Variants in BDH1 observed in about 807,000 individuals in gnomAD.
The protein encoded by BDH1 is D-beta-hydroxybutyrate dehydrogenase, mitochondrial.
BDH1 carries 30 observed loss-of-function variants against 33.1 expected under a neutral mutation model. That is an observed-to-expected ratio of 0.91 (90% CI 0.68 to 1.23). The LOEUF (loss-of-function observed/expected upper bound fraction) is 1.23, where lower values mean the gene tolerates loss of function less well. Among genes scored for constraint, BDH1 ranks in the 50% most tolerant of loss-of-function variants. The pLI is 0.00. For missense variants in BDH1, 443 were observed against 464.4 expected, an observed-to-expected ratio of 0.95 and a Z score of 0.42; for synonymous variants, 190 against 183.6, an observed-to-expected ratio of 1.03 and a Z score of -0.28.
At position 197,525,494 on chromosome 3, in the gene BDH1, A is replaced by T. The variant is rs1487423065; in HGVS notation, c.268-2713T>A. Among the ~76,000 whole-genome samples the T allele has an allele frequency of 6.6e-6, 1 of 152,192 alleles. No homozygotes were observed. The highest frequency in any genetic ancestry group is 1.5e-5 in the Non-Finnish European group (1 of 68,036). ...CCCGACTCCAAGTCAGTAAACTCTTAATTTGGCAGTTTGACAGTGAAGAGT... is the reference window on the plus strand; with the variant it reads ...CCCGACTCCAAGTCAGTAAACTCTTTATTTGGCAGTTTGACAGTGAAGAGT... On this transcript the variant is annotated intron_variant, in intron 5 of 7. Transcript: ENST00000392379. This position sits in a 1 kb window ranked among gnomAD's most constrained non-coding sequence, Gnocchi z 4.9.
In BDH1 at chr3:197,525,979, C is replaced by T. The variant is rs1446733966; in HGVS notation, c.268-3198G>A. 3.3e-5 allele frequency among the ~76,000 whole-genome samples: 5 copies of T among 152,200 alleles called. No homozygotes were observed. Among genetic ancestry groups the T allele is most frequent in the Non-Finnish European group, 4.4e-5 (3 of 68,040 alleles). ...CTGCTCAGGGACAAGCTTTTAGTTC[C>T]GCTGTGTTGGTGCGTGTGCAACTGG... On this transcript the variant is annotated intron_variant, in intron 5 of 7. Coordinates refer to ENST00000392379, the MANE Select transcript of BDH1 (RefSeq NM_203314.3). The surrounding 1 kb of genome is among the most constrained non-coding windows in gnomAD (Gnocchi z 4.9).
chr3:197,532,022 A>G (rs2108741399), intron 5 of BDH1, among the ~76,000 whole-genome samples: 1 of 152,038 alleles, frequency 6.6e-6, no homozygotes, highest in South Asian at 2.1e-4. Context: ...TTCCTCCTAC[A>G]CAGTCTCGCC....
chr3:197,532,370 A>G (rs1184131846), intron 5 of BDH1, 42 bp downstream of exon 5: 5 of 1,538,452 alleles, frequency 3.3e-6, no homozygotes, highest in Admixed American at 1.7e-5. Context: ...AACAATGACT[A>G]TGTGTAAAAG....
chr3:197,546,973 T>C (rs1009493260), intron 2 of BDH1, among the ~76,000 whole-genome samples: 6 of 152,306 alleles, frequency 3.9e-5, no homozygotes, highest in African/African-American at 1.4e-4. Flanking sequence ...CCACATAGCA[T>C]CTGACTCAGC....
At chr3:197,545,958 G>C (rs1716042937) in intron 3 of BDH1, among the ~76,000 whole-genome samples, 1 of 152,168 alleles carries the variant, frequency 6.6e-6, no homozygotes, top group Non-Finnish European at 1.5e-5. Context: ...CCAACCTGGT[G>C]AAACCCCGTC....
At position 197,514,889 on chromosome 3, in the gene BDH1, A is replaced by C. The variant is rs114094527; in HGVS notation, c.410-473T>G. Among the ~76,000 whole-genome samples the C allele has an allele frequency of 0.016, 2,492 of 152,310 alleles. 75 individuals carry two copies. Among genetic ancestry groups the C allele is most frequent in the African/African-American group, 0.054 (2,263 of 41,572 alleles). ...ACAGGGGAGGTGGGCACGAGGAGGC[A>C]GCTGTGTTTTGCAGGGACCTCTCTG... On this transcript the variant is annotated intron_variant, in intron 6 of 7. Coordinates refer to ENST00000392379, the MANE Select transcript of BDH1 (RefSeq NM_203314.3). The surrounding 1 kb of genome is among the most constrained non-coding windows in gnomAD (Gnocchi z 4.2).
At chr3:197,538,564 C>T in intron 3 of BDH1, 1 of 344,538 alleles carries the variant, frequency 2.9e-6, no homozygotes, top group Admixed American at 3.8e-5. Flanking sequence ...GTTGGCCACA[C>T]TGGTCTCGAA....
intron 1 of BDH1, among the ~76,000 whole-genome samples, chr3:197,565,018 G>T (rs905045970): frequency 6.6e-6 from 1 of 152,174 alleles, no homozygotes; most frequent in African/African-American, 2.4e-5. Context: ...CACCTCCAAG[G>T]TTCAAGCGAT....
At chr3:197,534,167 A>G (rs1490614604) in intron 3 of BDH1, 2 of 152,248 alleles carry the variant, frequency 1.3e-5, no homozygotes, top group South Asian at 2.1e-4. Flanking sequence ...ACACGGATAC[A>G]ATAAAAATAC....
Position 197,514,025 on chromosome 3 carries a change from C to T in BDH1, c.562+239G>A. 2.0e-6 allele frequency: 1 copy of T among 511,948 alleles called. No individual in the cohort carries two copies. Among genetic ancestry groups the T allele is most frequent in the Non-Finnish European group, 3.4e-6 (1 of 292,618 alleles). 31.7% of individuals were successfully genotyped at this position (511,948 alleles called of 1,614,324 possible). A position where few individuals can be genotyped will look rare whatever the true frequency, so the allele number is the denominator to read the frequency against. On this transcript the variant is annotated intron_variant, in intron 7 of 7. Coordinates refer to ENST00000392379, the MANE Select transcript of BDH1 (RefSeq NM_203314.3). The surrounding 1 kb of genome is among the most constrained non-coding windows in gnomAD (Gnocchi z 4.2). Reference sequence around the variant, plus strand: ...GTGCAGAGTGGATGGCTGCTCAACTCTTTAAGCTTTTGCTGCATGGACCAC... The same window carrying T: ...GTGCAGAGTGGATGGCTGCTCAACTTTTTAAGCTTTTGCTGCATGGACCAC...
At position 197,514,541 on chromosome 3, in the gene BDH1, C is replaced by G; in HGVS notation, c.410-125G>C. ...ACTTCCCAGCCTCTCGCCCAGTGCT[C>G]TCAAGAAACTTTCTAGAGTCACTCA... On this transcript the variant is annotated intron_variant, in intron 6 of 7. Transcript: ENST00000392379. The surrounding 1 kb of genome is among the most constrained non-coding windows in gnomAD (Gnocchi z 4.2). The G allele has an allele frequency of 1.7e-6, 2 of 1,147,006 alleles. No homozygotes were observed. The highest frequency in any genetic ancestry group is 2.4e-6 in the Non-Finnish European group (2 of 821,988). The allele number at this position is 1,147,006 out of a possible 1,614,324, so 71.1% of individuals were successfully genotyped here.
chr3:197,526,756 GCT>G lies in BDH1; in HGVS notation c.268-3977_268-3976del, dbSNP rs1714138390. Among the ~76,000 whole-genome samples the G allele has an allele frequency of 6.6e-6, 1 of 152,160 alleles. No individual in the cohort carries two copies. The highest frequency in any genetic ancestry group is 1.5e-5 in the Non-Finnish European group (1 of 68,020). On this transcript the variant is annotated intron_variant, in intron 5 of 7. Transcript: ENST00000392379. The surrounding 1 kb of genome is among the most constrained non-coding windows in gnomAD (Gnocchi z 4.7). ...TCTCCCGACCAGCTCTCCGTGCTCC[GCT>G]CCCAGACGAGCCACTCCTGTCTCAA...
At chr3:197,557,472 C>T (rs770269498), upstream of BDH1, among the ~76,000 whole-genome samples, 12 of 152,196 alleles carry the variant, frequency 7.9e-5, no homozygotes, top group African/African-American at 2.9e-4. The surrounding 1 kb of genome is among the most constrained non-coding windows in gnomAD (Gnocchi z 4.6). Flanking sequence ...AGACCGGGTG[C>T]GGTGGCTCAC....
intron 1 of BDH1, among the ~76,000 whole-genome samples, chr3:197,572,256 A>G (rs1262987204): frequency 6.6e-6 from 1 of 152,194 alleles, no homozygotes. Context: ...AGCAGGACAC[A>G]AGATAAGGGT....
At chr3:197,542,502 A>G (rs1330211227) in intron 3 of BDH1, among the ~76,000 whole-genome samples, 1 of 139,940 alleles carries the variant, frequency 7.1e-6, no homozygotes, top group Admixed American at 7.2e-5. Flanking sequence ...GATGGTCAAC[A>G]CGCTTTCTTT....
In BDH1 at chr3:197,514,531, G is replaced by T; in HGVS notation, c.410-115C>A. 8.0e-7 allele frequency: 1 copy of T among 1,242,706 alleles called. No individual in the cohort carries two copies. Among genetic ancestry groups the T allele is most frequent in the East Asian group, 2.5e-5 (1 of 39,528 alleles). 77.0% of individuals were successfully genotyped at this position (1,242,706 alleles called of 1,614,324 possible). ...CTTTCCTGTGACTTCCCAGCCTCTC[G>T]CCCAGTGCTCTCAAGAAACTTTCTA... is the stretch of plus-strand genomic sequence containing the variant. On this transcript the variant is annotated intron_variant, in intron 6 of 7. Transcript: ENST00000392379. The surrounding 1 kb of genome is among the most constrained non-coding windows in gnomAD (Gnocchi z 4.2).
intron 1 of BDH1, among the ~76,000 whole-genome samples, chr3:197,563,845 T>C (rs1580016311): frequency 6.6e-6 from 1 of 152,160 alleles, no homozygotes; most frequent in East Asian, 1.9e-4. Context: ...CTCACACTTG[T>C]AATCCCAGCA....
chr3:197,531,687 T>C (rs541505752), intron 5 of BDH1, among the ~76,000 whole-genome samples: 18 of 152,248 alleles, frequency 1.2e-4, no homozygotes, highest in African/African-American at 4.3e-4. Flanking sequence ...TAGAGGTATA[T>C]GTGGAGATTA....
rs376901300 is a variant in BDH1 at position 197,522,625 on chromosome 3, G to A, written c.409+15C>T. The A allele has an allele frequency of 2.7e-5, 44 of 1,613,756 alleles. No homozygotes were observed. Among genetic ancestry groups the A allele is most frequent in the Admixed American group, 1.0e-4 (6 of 59,986 alleles). ...GCCCCATACACAACCCCTGCCGTCCGAAGGGGCGCCCTACCTTTCTCAGGG... is the reference window on the plus strand; with the variant it reads ...GCCCCATACACAACCCCTGCCGTCCAAAGGGGCGCCCTACCTTTCTCAGGG... On this transcript the variant is annotated intron_variant, in intron 6 of 7. Transcript: ENST00000392379. This position sits in a 1 kb window ranked among gnomAD's most constrained non-coding sequence, Gnocchi z 4.8.
Sources: allele counts gnomAD v4.1 joint callset (sites outside exome capture counted in the v4.1 genomes callset), GRCh38; gene constraint gnomAD v4.1.1; non-coding constraint Gnocchi (gnomAD v3.1); transcripts MANE v1.5; gene names NCBI Gene and HGNC (gene_info 2026-07-23, HGNC 2026-07-21).